CLK3: variants seen among roughly 807,000 people sequenced by gnomAD.
CLK3 encodes dual specificity protein kinase CLK3.
CLK3 carries 24 observed loss-of-function variants against 65.2 expected under a neutral mutation model. That is an observed-to-expected ratio of 0.37 (90% confidence interval 0.27 to 0.52). CLK3 has a LOEUF of 0.52. CLK3 is among the 20% of genes least tolerant of loss of function. CLK3 has a pLI of 0.92. For missense variants in CLK3, 506 were observed against 660.0 expected, an observed-to-expected ratio of 0.77 and a Z score of 2.56; for synonymous variants, 252 against 240.8, an observed-to-expected ratio of 1.05 and a Z score of -0.43.
At chr15:74,611,988 A>G (rs775603039), upstream of CLK3, among the ~76,000 whole-genome samples, 1 of 152,208 alleles carries the variant, frequency 6.6e-6, no homozygotes, top group Non-Finnish European at 1.5e-5. Context: ...CAACTCCACT[A>G]AACAGTTCTC....
chr15:74,614,786 C>G (rs1292108326), upstream of CLK3: 1 of 152,154 alleles, frequency 6.6e-6, no homozygotes, highest in Non-Finnish European at 1.5e-5. Flanking sequence ...AAACCCTTGG[C>G]GCCCCCGCGG....
intron 7 of CLK3, 67 bp downstream of exon 7, chr15:74,626,035 G>T: frequency 6.5e-7 from 1 of 1,546,776 alleles, no homozygotes; most frequent in Non-Finnish European, 8.9e-7. Context: ...CTGGTTACTT[G>T]TTGTCCCCAT....
intron 1 of CLK3, among the ~76,000 whole-genome samples, chr15:74,610,016 C>A (rs1376011770): frequency 6.6e-6 from 1 of 152,238 alleles, no homozygotes; most frequent in African/African-American, 2.4e-5. Context: ...TGGACTAAGC[C>A]CCTGCGCTGC....
At position 74,627,454 on chromosome 15, in the gene CLK3, TG is replaced by T. The variant is rs1596291259; in HGVS notation, c.912+13del. 2.5e-6 allele frequency: 4 copies of T among 1,613,898 alleles called. No individual in the cohort carries two copies. The highest frequency in any genetic ancestry group is 2.7e-5 in the African/African-American group (2 of 74,924). On this transcript the variant is annotated intron_variant, in intron 8 of 12. Coordinates refer to ENST00000395066, the MANE Select transcript of CLK3 (RefSeq NM_001130028.2). This position sits in a 1 kb window ranked among gnomAD's most constrained non-coding sequence, Gnocchi z 4.3. Reference sequence around the variant, plus strand: ...CTCTACAATGAGCACAAGGTATTGGTGGGGGTAAGGGTGAGGCCCTGTTTCA... The same window carrying T: ...CTCTACAATGAGCACAAGGTATTGGTGGGGTAAGGGTGAGGCCCTGTTTCA...
At chr15:74,616,272 C>T (rs969657479) in intron 1 of CLK3, among the ~76,000 whole-genome samples, 8 of 152,254 alleles carry the variant, frequency 5.3e-5, no homozygotes, top group Non-Finnish European at 7.3e-5. Context: ...TGACTCCTCC[C>T]TTGGCGGCCT....
Position 74,627,259 on chromosome 15 carries a change from C to A in CLK3, c.818-93C>A. 1 of 955,928 alleles carries A rather than the reference C, an allele frequency of 1.0e-6. No homozygotes were observed. The allele number at this position is 955,928 out of a possible 1,614,324, so 59.2% of individuals were successfully genotyped here. A position where few individuals can be genotyped will look rare whatever the true frequency, so the allele number is the denominator to read the frequency against. On this transcript the variant is annotated intron_variant, in intron 7 of 12. Transcript: ENST00000395066. This position sits in a 1 kb window ranked among gnomAD's most constrained non-coding sequence, Gnocchi z 4.3. The stretch of plus-strand genomic sequence containing the variant: ...GAGGTGGGGGTGTGAGGACCTCTGG[C>A]AGTTGCTGGCATTGGAAGAGGGGTC...
Position 74,622,176 on chromosome 15 carries a change from T to C in CLK3, c.426T>C (p.Gly142=), listed in dbSNP as rs1323690218. 1 of 1,613,942 alleles carries C rather than the reference T, an allele frequency of 6.2e-7. No individual in the cohort carries two copies. The highest frequency in any genetic ancestry group is 1.1e-5 in the South Asian group (1 of 91,074). The part of the protein sequence containing the change: ...SSRSVEDDKE[G]HLVCRIGDWL... ...GGAGTGTGGAAGATGACAAGGAGGG[T>C]CACCTGGTGTGCCGGATCGGCGATT... The change falls in exon 4 of 13, where the codon GGT becomes GGC. Residue 142 remains glycine (G), a synonymous_variant. Transcript: ENST00000395066. This position sits in a 1 kb window ranked among gnomAD's most constrained non-coding sequence, Gnocchi z 4.6.
chr15:74,628,186 CA>C, intron 10 of CLK3, 134 bp downstream of exon 10: 1 of 699,974 alleles, frequency 1.4e-6, no homozygotes, highest in Admixed American at 2.1e-5. Context: ...ATGTGAGATT[CA>C]GACCCTTTAA....
chr15:74,615,925 G>A (rs2062054219), intron 1 of CLK3, 27 bp downstream of exon 1: 2 of 1,240,416 alleles, frequency 1.6e-6, no homozygotes, highest in African/African-American at 1.5e-5. Flanking sequence ...GTCCGCGGCG[G>A]CGACAGCGGC....
rs1271979151 is a variant in CLK3, at chr15:74,620,162, G to A, written c.306G>A (p.Arg102=). Residue 102 remains arginine (R), a synonymous_variant, in exon 3 of 13, where the codon CGG becomes CGA. Transcript: ENST00000395066. ...GATCGCGGGAGAGGGGGCCATACCGGACCCGCAAGCATGCCCACCACTGCC... is the reference window on the plus strand; with the variant it reads ...GATCGCGGGAGAGGGGGCCATACCGAACCCGCAAGCATGCCCACCACTGCC... ...RRRSRERGPY[R]TRKHAHHCHK... 1 of 1,614,070 alleles carries A rather than the reference G, an allele frequency of 6.2e-7. No individual in the cohort carries two copies. The highest frequency in any genetic ancestry group is 1.3e-5 in the African/African-American group (1 of 75,068).
In CLK3 at chr15:74,615,880, A is replaced by G. The variant is rs1352233690; in HGVS notation, c.-19A>G. The stretch of plus-strand genomic sequence containing the variant: ...GGAGCGGGGAGTGGGGCCTAGCTGC[A>G]GCCGGAGCCTGGGAGACGGTAAGTG... On this transcript the variant is annotated 5_prime_UTR_variant, in exon 1 of 13. Coordinates refer to ENST00000395066, the MANE Select transcript of CLK3 (RefSeq NM_001130028.2). 1.6e-6 allele frequency: 2 copies of G among 1,254,594 alleles called. No individual in the cohort carries two copies. The highest frequency in any genetic ancestry group is 2.0e-6 in the Non-Finnish European group (2 of 999,720). The allele number at this position is 1,254,594 out of a possible 1,614,324, so 77.7% of individuals were successfully genotyped here.
chr15:74,610,782 A>G (rs763972769), intron 1 of CLK3, among the ~76,000 whole-genome samples: 2 of 152,340 alleles, frequency 1.3e-5, no homozygotes, highest in Admixed American at 6.5e-5. Flanking sequence ...GAGGTTGTCA[A>G]CTGGGTCCCA....
rs1056524895 is a variant in CLK3, at chr15:74,629,957, G to A, written c.*74G>A. The A allele has an allele frequency of 1.5e-5, 22 of 1,439,504 alleles. No homozygotes were observed. Among genetic ancestry groups the A allele is most frequent in the East Asian group, 2.5e-5 (1 of 40,508 alleles). The allele number at this position is 1,439,504 out of a possible 1,614,324, so 89.2% of individuals were successfully genotyped here. A position where few individuals can be genotyped will look rare whatever the true frequency, so the allele number is the denominator to read the frequency against. ...CAGCCCCTTGACTCCAGCCTCGACCGCCAGGCCCCAGGCCAGAGCCACCCA... is the reference window on the plus strand; with the variant it reads ...CAGCCCCTTGACTCCAGCCTCGACCACCAGGCCCCAGGCCAGAGCCACCCA... On this transcript the variant is annotated 3_prime_UTR_variant, in exon 13 of 13. Coordinates refer to ENST00000395066, the MANE Select transcript of CLK3 (RefSeq NM_001130028.2).
chr15:74,620,143 G>T lies in CLK3; in HGVS notation c.287G>T (p.Arg96Leu), dbSNP rs139627456. The change falls in exon 3 of 13, where the codon CGG becomes CTG. Residue 96 changes from arginine (R) to leucine (L), a missense_variant. This residue lies in a region of CLK3 where 181 missense variants were observed against 159.4 expected (regional missense o/e 1.14). Transcript: ENST00000395066. ...PSRSRHRRRS[R>L]ERGPYRTRKH... The stretch of plus-strand genomic sequence containing the variant: ...CGTTCTCGTCATCGTCGGCGATCGC[G>T]GGAGAGGGGGCCATACCGGACCCGC... 3.1e-6 allele frequency: 5 copies of T among 1,614,142 alleles called. No individual in the cohort carries two copies. In the Admixed American group the frequency reaches 6.7e-5, roughly 22 times the overall value.
chr15:74,622,692 T>A lies in CLK3; in HGVS notation c.533+132T>A. 1 of 606,370 alleles carries A rather than the reference T, an allele frequency of 1.6e-6. No individual in the cohort carries two copies. The allele number at this position is 606,370 out of a possible 1,614,324, so 37.6% of individuals were successfully genotyped here. A position where few individuals can be genotyped will look rare whatever the true frequency, so the allele number is the denominator to read the frequency against. ...TTGAAGGGTGGCATCAAAGTAGGGT[T>A]CCGACCTGTCCATGTTGGGGTTTTG... On this transcript the variant is annotated intron_variant, in intron 5 of 12. Coordinates refer to ENST00000395066, the MANE Select transcript of CLK3 (RefSeq NM_001130028.2). This position sits in a 1 kb window ranked among gnomAD's most constrained non-coding sequence, Gnocchi z 4.6.
rs550595045 is a variant in CLK3 at position 74,629,286 on chromosome 15, A to G, written c.1296+254A>G. The G allele has an allele frequency of 3.0e-4, 177 of 598,084 alleles. 1 individual carries two copies. The South Asian group carries it at 3.1e-3, about 10-fold the overall frequency. The allele number at this position is 598,084 out of a possible 1,614,324, so 37.0% of individuals were successfully genotyped here. A position where few individuals can be genotyped will look rare whatever the true frequency, so the allele number is the denominator to read the frequency against. On this transcript the variant is annotated intron_variant, in intron 12 of 12. Transcript: ENST00000395066. The stretch of plus-strand genomic sequence containing the variant: ...GGGAACACCAGAAGAGCCAGATGTC[A>G]GAAGCCCTGCTGCTTCCTGTCCCTC...
intron 7 of CLK3, among the ~76,000 whole-genome samples, chr15:74,626,517 T>C (rs1230638756): frequency 6.6e-6 from 1 of 152,228 alleles, no homozygotes. Context: ...TCCCCTACCC[T>C]GAGCACTGCT....
chr15:74,611,081 C>T (rs1170532111), upstream of CLK3, among the ~76,000 whole-genome samples: 1 of 152,184 alleles, frequency 6.6e-6, no homozygotes, highest in African/African-American at 2.4e-5. Context: ...CCCTGGGGGG[C>T]CACAGGGACC....
intron 12 of CLK3, chr15:74,629,360 GA>G: frequency 3.8e-6 from 2 of 530,996 alleles, no homozygotes; most frequent in Non-Finnish European, 6.8e-6. Context: ...AGGTGAGGGG[GA>G]GGGAAGACCT....
Sources: gnomAD v4.1 joint callset for allele counts (sites outside exome capture counted in the v4.1 genomes callset) on GRCh38, gnomAD v4.1.1 for gene constraint, gnomAD v4.1.1 regional missense constraint, Gnocchi (gnomAD v3.1) non-coding constraint, MANE v1.5 for transcripts, NCBI Gene and HGNC (gene_info 2026-07-23, HGNC 2026-07-21) for gene names.